The following ELAPOR1 variants were observed in gnomAD, a reference collection of about 807,000 sequenced individuals.
The protein encoded by ELAPOR1 is endosome/lysosome-associated apoptosis and autophagy regulator 1.
ELAPOR1 carries 77 observed loss-of-function variants against 119.7 expected under a neutral mutation model. The observed-to-expected ratio is 0.64, with a 90% CI of 0.54 to 0.78. The LOEUF is 0.78. Ranked by LOEUF, ELAPOR1 falls within the 30% of genes least tolerant of loss-of-function variation. The pLI is 0.00. For missense variants in ELAPOR1, 1,115 were observed against 1,270.4 expected (o/e 0.88, Z 1.86); for synonymous variants, 481 against 487.2 (o/e 0.99, Z 0.17).
At chr1:109,188,957 G>A in intron 9 of ELAPOR1, 109 bp from the exon 10 acceptor site, 2 of 1,309,680 alleles carry the variant, frequency 1.5e-6, no homozygotes, top group Non-Finnish European at 1.1e-6. Context: ...CAGCAGCCAG[G>A]CTTCTGGGCT....
At position 109,205,218 on chromosome 1, in the gene ELAPOR1, G is replaced by T. The variant is rs1175950081; in HGVS notation, c.*2206G>T. The T allele has an allele frequency of 1.3e-5, 2 of 152,204 alleles. No individual in the cohort carries two copies. Among genetic ancestry groups the T allele is most frequent in the Non-Finnish European group, 2.9e-5 (2 of 68,036 alleles). 9.4% of individuals were successfully genotyped at this position (152,204 alleles called of 1,614,324 possible). A position where few individuals can be genotyped will look rare whatever the true frequency, so the allele number is the denominator to read the frequency against. ...ATCAGGCTAGGGTGACCTTCCCTTGGTCAAGCCCCAATTGCCCATGATTTG... is the reference window on the plus strand; with the variant it reads ...ATCAGGCTAGGGTGACCTTCCCTTGTTCAAGCCCCAATTGCCCATGATTTG... On this transcript the variant is annotated 3_prime_UTR_variant, in exon 22 of 22. Coordinates refer to ENST00000369939, the MANE Select transcript of ELAPOR1 (RefSeq NM_020775.5).
At chr1:109,193,706 C>G (rs977661893) in intron 14 of ELAPOR1, among the ~76,000 whole-genome samples, 1 of 152,192 alleles carries the variant, frequency 6.6e-6, no homozygotes, top group Admixed American at 6.5e-5. Flanking sequence ...GCACATACAT[C>G]TGTAAAGCAC....
At chr1:109,199,590 C>T (rs1654033850) in intron 18 of ELAPOR1, among the ~76,000 whole-genome samples, 1 of 152,230 alleles carries the variant, frequency 6.6e-6, no homozygotes, top group South Asian at 2.1e-4. Flanking sequence ...GGAGCTCAGA[C>T]ACCTTACAAT....
At position 109,173,343 on chromosome 1, in the gene ELAPOR1, G is replaced by A. The variant is rs1370844531; in HGVS notation, c.697-131G>A. The A allele has an allele frequency of 5.5e-6, 4 of 732,250 alleles. No homozygotes were observed. The East Asian group carries it at 7.5e-5, about 14-fold the overall frequency. The allele number at this position is 732,250 out of a possible 1,614,324, so 45.4% of individuals were successfully genotyped here. On this transcript the variant is annotated intron_variant, in intron 5 of 21. Coordinates refer to ENST00000369939, the MANE Select transcript of ELAPOR1 (RefSeq NM_020775.5). The stretch of plus-strand genomic sequence containing the variant: ...TGGGAAGAAGGACAGAGCTGAGGAA[G>A]AGGAGGAAGAGGGTCAGAAGAAGCA...
chr1:109,144,062 T>TATATATATATATATATATA (rs1296463049), intron 1 of ELAPOR1, among the ~76,000 whole-genome samples: 1 of 36,576 alleles, frequency 2.7e-5, no homozygotes, highest in Non-Finnish European at 6.5e-5. Flanking sequence ...TATTTATATA[T>TATATATATATATATATATA]TTTTTTTTTT....
rs143433467 is a variant in ELAPOR1 at position 109,160,703 on chromosome 1, T to C, written c.154-1191T>C. On this transcript the variant is annotated intron_variant, in intron 1 of 21. Coordinates refer to ENST00000369939, the MANE Select transcript of ELAPOR1 (RefSeq NM_020775.5). ...GGGGACATTAATTCTATTTTTCTTA[T>C]GCATACAGTAATACAAAATACCTCT... Among the ~76,000 whole-genome samples, 973 of 152,360 alleles carry C rather than the reference T, an allele frequency of 6.4e-3. 9 individuals are homozygous for C. The highest frequency in any genetic ancestry group is 0.022 in the African/African-American group (909 of 41,588).
intron 1 of ELAPOR1, among the ~76,000 whole-genome samples, chr1:109,150,630 G>GA (rs1432934510): frequency 6.6e-6 from 1 of 152,162 alleles, no homozygotes; most frequent in Non-Finnish European, 1.5e-5. Flanking sequence ...TCAAGACTCT[G>GA]GCATCCTAAC....
At chr1:109,157,867 C>G (rs1046078182) in intron 1 of ELAPOR1, among the ~76,000 whole-genome samples, 1 of 152,130 alleles carries the variant, frequency 6.6e-6, no homozygotes, top group Non-Finnish European at 1.5e-5. Flanking sequence ...CATAGATTAC[C>G]TCCAATCTCT....
At chr1:109,122,194 C>T (rs1019058827) in intron 1 of ELAPOR1, among the ~76,000 whole-genome samples, 3 of 151,524 alleles carry the variant, frequency 2.0e-5, no homozygotes, top group African/African-American at 2.4e-5. Context: ...CTCATCCTCC[C>T]GAATAGCTGG....
intron 15 of ELAPOR1, among the ~76,000 whole-genome samples, chr1:109,196,670 G>T (rs1653813697): frequency 6.8e-6 from 1 of 147,090 alleles, no homozygotes; most frequent in South Asian, 2.2e-4. Context: ...AAAAAAGGCT[G>T]AGACACCAGA....
intron 1 of ELAPOR1, among the ~76,000 whole-genome samples, chr1:109,129,505 C>G (rs1171091070): frequency 6.6e-6 from 1 of 152,174 alleles, no homozygotes; most frequent in African/African-American, 2.4e-5. Context: ...GAGTGAGACT[C>G]CGTCTCAAAA....
At chr1:109,200,574 A>C (rs1194718584) in intron 20 of ELAPOR1, among the ~76,000 whole-genome samples, 161 bp from the exon 21 acceptor site, 1 of 152,222 alleles carries the variant, frequency 6.6e-6, no homozygotes, top group African/African-American at 2.4e-5. Context: ...CTGGGAACTA[A>C]GATTCCTTCT....
At chr1:109,185,459 T>A (rs549735409) in intron 8 of ELAPOR1, among the ~76,000 whole-genome samples, 1 of 152,270 alleles carries the variant, frequency 6.6e-6, no homozygotes, top group South Asian at 2.1e-4. Flanking sequence ...GTACACAATG[T>A]CCTCCCGGGG....
Position 109,203,355 on chromosome 1 carries a change from T to C in ELAPOR1, c.*343T>C, listed in dbSNP as rs1330853384. 3 of 254,762 alleles carry C rather than the reference T, an allele frequency of 1.2e-5. No homozygotes were observed. Among genetic ancestry groups the C allele is most frequent in the African/African-American group, 7.0e-5 (3 of 43,028 alleles). The allele number at this position is 254,762 out of a possible 1,614,324, so 15.8% of individuals were successfully genotyped here. On this transcript the variant is annotated 3_prime_UTR_variant, in exon 22 of 22. Transcript: ENST00000369939. ...TATCTTCTTAAGTATAGAAACTATT[T>C]CCTCTGTCCTCTAACTTAAGGGCAG...
intron 8 of ELAPOR1, chr1:109,186,570 C>A: frequency 2.0e-6 from 2 of 985,526 alleles, no homozygotes; most frequent in Non-Finnish European, 2.4e-6. Context: ...TCCCCTTCTC[C>A]AGCAGCCAAG....
At chr1:109,187,541 G>A (rs1425238759) in intron 8 of ELAPOR1, 14 of 1,001,386 alleles carry the variant, frequency 1.4e-5, no homozygotes, top group African/African-American at 3.5e-5. Context: ...TCTGTGACTC[G>A]ATCTGAGGGC....
chr1:109,205,133 C>T lies in ELAPOR1; in HGVS notation c.*2121C>T, dbSNP rs1404874333. On this transcript the variant is annotated 3_prime_UTR_variant, in exon 22 of 22. Transcript: ENST00000369939. The stretch of plus-strand genomic sequence containing the variant: ...TTTAAGTACCTAGAATGGGTAAAAC[C>T]AGAGCAAGACTTTAAATTACCTTCT... 6.6e-6 allele frequency: 1 copy of T among 152,092 alleles called. No homozygotes were observed. The highest frequency in any genetic ancestry group is 1.5e-5 in the Non-Finnish European group (1 of 68,024). The allele number at this position is 152,092 out of a possible 1,614,324, so 9.4% of individuals were successfully genotyped here.
At chr1:109,197,139 GAAAA>G (rs35880289) in intron 15 of ELAPOR1, among the ~76,000 whole-genome samples, 1 of 132,690 alleles carries the variant, frequency 7.5e-6, no homozygotes, top group Non-Finnish European at 1.6e-5. Flanking sequence ...CTATCTTTAC[GAAAA>G]AAAAAAAAAA....
Position 109,204,586 on chromosome 1 carries a change from A to G in ELAPOR1, c.*1574A>G, listed in dbSNP as rs1338670306. ...AAGGAGGCCAAGATTTTAATGGGGC[A>G]CTTTAGGGGATACAGCCCACAATGG... On this transcript the variant is annotated 3_prime_UTR_variant, in exon 22 of 22. Coordinates refer to ENST00000369939, the MANE Select transcript of ELAPOR1 (RefSeq NM_020775.5). 1 of 152,292 alleles carries G rather than the reference A, an allele frequency of 6.6e-6. No individual in the cohort carries two copies. Among genetic ancestry groups the G allele is most frequent in the Admixed American group, 6.5e-5 (1 of 15,284 alleles). 9.4% of individuals were successfully genotyped at this position (152,292 alleles called of 1,614,324 possible). A position where few individuals can be genotyped will look rare whatever the true frequency, so the allele number is the denominator to read the frequency against.
Sources: allele counts gnomAD v4.1 joint callset (sites outside exome capture counted in the v4.1 genomes callset), GRCh38; gene constraint gnomAD v4.1.1; transcripts MANE v1.5; gene names NCBI Gene and HGNC (gene_info 2026-07-23, HGNC 2026-07-21).